The following GAS2L3 variants were observed in gnomAD, a reference collection of about 807,000 sequenced individuals.
The protein encoded by GAS2L3 is growth arrest specific 2 like 3.
In GAS2L3, 28 loss-of-function variants were observed where a neutral mutation model predicts 37.0. The ratio of observed to expected loss-of-function variants is 0.76; its 90% CI spans 0.56 to 1.04. The LOEUF (loss-of-function observed/expected upper bound fraction) is 1.04. Among genes scored for constraint, GAS2L3 ranks in the 50% least tolerant of loss-of-function variants. The pLI is 0.00. For synonymous variants in GAS2L3, 290 were observed against 296.6 expected, an observed-to-expected ratio of 0.98 and a Z score of 0.23; for missense variants, 793 against 817.6, an observed-to-expected ratio of 0.97 and a Z score of 0.37.
At chr12:100,593,320 G>C (rs1040553532) in intron 2 of GAS2L3, among the ~76,000 whole-genome samples, 6 of 152,038 alleles carry the variant, frequency 3.9e-5, no homozygotes, top group Non-Finnish European at 8.8e-5. Flanking sequence ...AGTTAATCCA[G>C]ATGGTTATAT....
chr12:100,622,827 ATTAAACAGAAAATATTT>A (rs1255547916), intron 9 of GAS2L3, among the ~76,000 whole-genome samples: 3 of 148,686 alleles, frequency 2.0e-5, no homozygotes, highest in Admixed American at 6.8e-5. Context: ...AGCCTTGGGC[ATTAAACAGAAAATATTT>A]TTCTCATTGA....
chr12:100,619,855 G>C (rs1169701082), intron 8 of GAS2L3, among the ~76,000 whole-genome samples: 1 of 151,944 alleles, frequency 6.6e-6, no homozygotes, highest in Non-Finnish European at 1.5e-5. Context: ...TAAGTAAATG[G>C]GCAAGGTCTG....
intron 3 of GAS2L3, among the ~76,000 whole-genome samples, chr12:100,598,529 AG>A (rs1955943161): frequency 6.6e-6 from 1 of 152,162 alleles, no homozygotes. Context: ...GCTGTCTGTC[AG>A]GTTTCTGAAC....
intron 8 of GAS2L3, among the ~76,000 whole-genome samples, chr12:100,620,747 A>G (rs1332012978): frequency 6.6e-6 from 1 of 152,018 alleles, no homozygotes; most frequent in South Asian, 2.1e-4. Context: ...CAGCAATTCT[A>G]TATACTTAGG....
rs1818423035 is a variant in GAS2L3, at chr12:100,626,625, C to T, written c.*1735C>T. ...ATAAAACCAAGTAACACTTCTTTAT[C>T]AGTAACTTTTAGAACTTAAAAGAAA... On this transcript the variant is annotated 3_prime_UTR_variant, in exon 10 of 10. Transcript: ENST00000547754. 1 of 152,136 alleles carries T rather than the reference C, an allele frequency of 6.6e-6. No individual in the cohort carries two copies. Among genetic ancestry groups the T allele is most frequent in the Admixed American group, 6.5e-5 (1 of 15,280 alleles). 9.4% of individuals were successfully genotyped at this position (152,136 alleles called of 1,614,324 possible). A position where few individuals can be genotyped will look rare whatever the true frequency, so the allele number is the denominator to read the frequency against.
intron 5 of GAS2L3, among the ~76,000 whole-genome samples, chr12:100,602,943 G>C (rs1339133367): frequency 6.6e-6 from 1 of 152,088 alleles, no homozygotes; most frequent in Non-Finnish European, 1.5e-5. Flanking sequence ...ATGACCTCCA[G>C]TTCCATCCAT....
intron 7 of GAS2L3, among the ~76,000 whole-genome samples, chr12:100,618,035 G>A (rs1012330324): frequency 2.6e-5 from 4 of 152,090 alleles, no homozygotes; most frequent in African/African-American, 9.7e-5. Flanking sequence ...TATGGGAGTG[G>A]TTACTTAAAT....
At chr12:100,593,458 C>G (rs1284961135) in intron 2 of GAS2L3, among the ~76,000 whole-genome samples, 2 of 152,068 alleles carry the variant, frequency 1.3e-5, no homozygotes, top group East Asian at 3.8e-4. Context: ...TTTCATAAAA[C>G]TAATTTTGTT....
At chr12:100,600,002 G>A (rs374960021) in intron 3 of GAS2L3, among the ~76,000 whole-genome samples, 3 of 152,142 alleles carry the variant, frequency 2.0e-5, no homozygotes, top group Non-Finnish European at 4.4e-5. Flanking sequence ...TGGAAGGATC[G>A]CTTGAGTCCA....
intron 1 of GAS2L3, among the ~76,000 whole-genome samples, chr12:100,582,209 G>A (rs903967230): frequency 1.3e-5 from 2 of 152,230 alleles, no homozygotes; most frequent in Admixed American, 1.3e-4. Flanking sequence ...TCCCTTGCGG[G>A]GCAGGGGCCG....
intron 3 of GAS2L3, among the ~76,000 whole-genome samples, chr12:100,599,991 G>A (rs1015236179): frequency 6.6e-6 from 1 of 152,220 alleles, no homozygotes; most frequent in Non-Finnish European, 1.5e-5. Context: ...GGAGTCTGAT[G>A]TGGAAGGATC....
In GAS2L3 at chr12:100,624,120, C is replaced by T. The variant is rs1242612953; in HGVS notation, c.1315C>T (p.Pro439Ser). Residue 439 changes from proline (P) to serine (S), a missense_variant, in exon 10 of 10, where the codon CCC becomes TCC. By Grantham distance (74) the Pro-to-Ser change is moderately conservative. Transcript: ENST00000547754. Reference sequence around the variant, plus strand: ...GTCACCGAGAAAATGTATTTCATCCCCCAATACCCCCAAGGCCAAGGTTAT... The same window carrying T: ...GTCACCGAGAAAATGTATTTCATCCTCCAATACCCCCAAGGCCAAGGTTAT... ...SESPRKCISS[P>S]NTPKAKVIPA... 1.9e-6 allele frequency: 3 copies of T among 1,613,842 alleles called. No individual in the cohort carries two copies. Among genetic ancestry groups the T allele is most frequent in the East Asian group, 2.2e-5 (1 of 44,866 alleles).
In GAS2L3 at chr12:100,585,590, AGC is replaced by A. The variant is rs1272708438; in HGVS notation, c.-151-6145_-151-6144del. On this transcript the variant is annotated intron_variant, in intron 1 of 9. Coordinates refer to ENST00000547754, the MANE Select transcript of GAS2L3 (RefSeq NM_174942.3). ...CTTGACCCATGTATGCTGTGTATCC[AGC>A]TTCAGGTTGTTCATCACCCTCATCT... 3.3e-4 allele frequency among the ~76,000 whole-genome samples: 50 copies of A among 152,298 alleles called. 1 individual carries two copies. The highest frequency in any genetic ancestry group is 3.4e-3 in the Middle Eastern group (1 of 294).
Position 100,580,258 on chromosome 12 carries a change from A to G in GAS2L3, c.-152+6473A>G, listed in dbSNP as rs1416525705. The G allele has an allele frequency of 2.5e-5, 12 of 479,464 alleles. No homozygotes were observed. In the Admixed American group the frequency reaches 2.6e-4, roughly 10 times the overall value. 29.7% of individuals were successfully genotyped at this position (479,464 alleles called of 1,614,324 possible). A position where few individuals can be genotyped will look rare whatever the true frequency, so the allele number is the denominator to read the frequency against. ...AATAGTTGTATTAAGACTATGGAAA[A>G]TAACCTGCTTTTTGGGGGCTTGTGT... is the stretch of plus-strand genomic sequence containing the variant. On this transcript the variant is annotated intron_variant, in intron 1 of 9. Coordinates refer to ENST00000547754, the MANE Select transcript of GAS2L3 (RefSeq NM_174942.3).
At chr12:100,612,280 G>A (rs1377304709) in intron 6 of GAS2L3, 139 bp downstream of exon 6, 1 of 685,138 alleles carries the variant, frequency 1.5e-6, no homozygotes, top group East Asian at 2.7e-5. Flanking sequence ...TTGAATATAT[G>A]TAGAATTATT....
chr12:100,585,360 A>G (rs1238055160), intron 1 of GAS2L3, among the ~76,000 whole-genome samples: 1 of 151,348 alleles, frequency 6.6e-6, no homozygotes. Context: ...GGTTCAAGCA[A>G]TTCTCCTGCC....
intron 5 of GAS2L3, among the ~76,000 whole-genome samples, chr12:100,605,457 T>C (rs1286620035): frequency 6.6e-6 from 1 of 151,994 alleles, no homozygotes; most frequent in African/African-American, 2.4e-5. Flanking sequence ...TCAAGTTTTA[T>C]CTTTTGGTAC....
Position 100,625,599 on chromosome 12 carries a change from G to A in GAS2L3, c.*709G>A, listed in dbSNP as rs2136617717. 1 of 152,046 alleles carries A rather than the reference G, an allele frequency of 6.6e-6. No homozygotes were observed. The highest frequency in any genetic ancestry group is 2.1e-4 in the South Asian group (1 of 4,822). 9.4% of individuals were successfully genotyped at this position (152,046 alleles called of 1,614,324 possible). The stretch of plus-strand genomic sequence containing the variant: ...ACTTACTGAAATATAAACAAATTTT[G>A]TAAACAATTTTTTATATTATCTATA... On this transcript the variant is annotated 3_prime_UTR_variant, in exon 10 of 10. Transcript: ENST00000547754.
At chr12:100,601,795 A>C (rs749694066) in intron 5 of GAS2L3, 42 bp downstream of exon 5, 2 of 988,400 alleles carry the variant, frequency 2.0e-6, no homozygotes, top group East Asian at 2.5e-5. Flanking sequence ...GTCTTGGTAC[A>C]TATTAATTTA....
Sources: gnomAD v4.1 joint callset for allele counts (sites outside exome capture counted in the v4.1 genomes callset) on GRCh38, gnomAD v4.1.1 for gene constraint, MANE v1.5 for transcripts, NCBI Gene and HGNC (gene_info 2026-07-23, HGNC 2026-07-21) for gene names.